The following CNTN6 variants were observed in gnomAD, a reference collection of about 807,000 sequenced individuals.
CNTN6 encodes the protein contactin-6.
CNTN6 carries 137 observed loss-of-function variants against 122.8 expected under a neutral mutation model. The observed-to-expected ratio is 1.12, with a 90% CI of 0.97 to 1.29. The LOEUF is 1.29. CNTN6 is among the 50% of genes most tolerant of loss of function. The pLI is 0.00. For synonymous variants in CNTN6, 570 were observed against 426.0 expected, an observed-to-expected ratio of 1.34 and a Z score of -4.16; for missense variants, 1,634 against 1,223.4, an observed-to-expected ratio of 1.34 and a Z score of -5.01.
chr3:1,373,877 T>C (rs1199295053), intron 15 of CNTN6, 47 bp from the exon 16 acceptor site: 9 of 1,533,218 alleles, frequency 5.9e-6, no homozygotes, highest in Non-Finnish European at 1.8e-6. Context: ...AATTATTTGT[T>C]TTTGAGTAGT....
At chr3:1,245,925 T>A (rs992520728) in intron 4 of CNTN6, among the ~76,000 whole-genome samples, 32 of 150,602 alleles carry the variant, frequency 2.1e-4, no homozygotes, top group Admixed American at 1.7e-3. Flanking sequence ...AAAAAAAAAA[T>A]TGCAAAAAAA....
intron 12 of CNTN6, 46 bp downstream of exon 12, chr3:1,352,497 C>G: frequency 6.2e-7 from 1 of 1,600,970 alleles, no homozygotes; most frequent in Non-Finnish European, 8.5e-7. Context: ...TGTAAATATG[C>G]AGGCATATTA....
At chr3:1,291,764 G>A (rs921462907) in intron 5 of CNTN6, among the ~76,000 whole-genome samples, 2 of 152,104 alleles carry the variant, frequency 1.3e-5, no homozygotes, top group Non-Finnish European at 2.9e-5. Context: ...TTAGAAGTGA[G>A]GCAGCAAAGG....
At chr3:1,159,555 C>T (rs977670779) in intron 2 of CNTN6, among the ~76,000 whole-genome samples, 22 of 151,590 alleles carry the variant, frequency 1.5e-4, no homozygotes, top group Non-Finnish European at 3.1e-4. Flanking sequence ...GTGGATAAGG[C>T]GGGACTATTA....
intron 1 of CNTN6, among the ~76,000 whole-genome samples, chr3:1,123,514 T>C (rs1459892162): frequency 6.6e-6 from 1 of 152,058 alleles, no homozygotes; most frequent in Non-Finnish European, 1.5e-5. Context: ...TAATTTAGTT[T>C]ATAAAACTAA....
intron 4 of CNTN6, among the ~76,000 whole-genome samples, chr3:1,233,591 C>T (rs1267631177): frequency 6.6e-6 from 1 of 151,354 alleles, no homozygotes; most frequent in African/African-American, 2.4e-5. Flanking sequence ...AAAAATTAGC[C>T]GGGTGTGGTG....
intron 1 of CNTN6, among the ~76,000 whole-genome samples, chr3:1,146,207 G>A (rs999836399): frequency 1.3e-5 from 2 of 151,988 alleles, no homozygotes; most frequent in Non-Finnish European, 2.9e-5. Flanking sequence ...TGAAAGTACA[G>A]CATTCATATG....
At chr3:1,378,092 G>A (rs1479836207) in intron 17 of CNTN6, among the ~76,000 whole-genome samples, 2 of 152,042 alleles carry the variant, frequency 1.3e-5, no homozygotes, top group Non-Finnish European at 2.9e-5. Context: ...TCTCTCTCTT[G>A]TAGGTGGTCT....
At chr3:1,122,709 C>G (rs2092005930) in intron 1 of CNTN6, among the ~76,000 whole-genome samples, 2 of 151,810 alleles carry the variant, frequency 1.3e-5, no homozygotes, top group African/African-American at 4.8e-5. Flanking sequence ...AATATATGAC[C>G]TTTGTGTCCA....
At chr3:1,112,223 C>T (rs1395109276) in intron 1 of CNTN6, among the ~76,000 whole-genome samples, 5 of 152,178 alleles carry the variant, frequency 3.3e-5, no homozygotes, top group Non-Finnish European at 5.9e-5. Context: ...GAAAGATAGA[C>T]ACTGTGTTAG....
chr3:1,226,128 C>A (rs530633919), intron 3 of CNTN6, among the ~76,000 whole-genome samples: 6 of 152,144 alleles, frequency 3.9e-5, no homozygotes, highest in Non-Finnish European at 8.8e-5. Context: ...ATCTGCCCAC[C>A]ACGGCCTCCC....
intron 11 of CNTN6, among the ~76,000 whole-genome samples, chr3:1,336,476 G>T (rs1238842591): frequency 2.0e-5 from 3 of 152,012 alleles, no homozygotes; most frequent in Non-Finnish European, 4.4e-5. Flanking sequence ...CTTAGCAATT[G>T]GTTTCAGAAA....
chr3:1,207,087 G>A (rs1315704247), intron 2 of CNTN6, among the ~76,000 whole-genome samples: 1 of 151,968 alleles, frequency 6.6e-6, no homozygotes, highest in Non-Finnish European at 1.5e-5. Flanking sequence ...TTCATCTATT[G>A]GATGCCACCT....
intron 4 of CNTN6, among the ~76,000 whole-genome samples, chr3:1,271,989 T>C (rs148568166): frequency 1.8e-4 from 27 of 152,108 alleles, no homozygotes; most frequent in Non-Finnish European, 3.2e-4. Flanking sequence ...TGGGAGGTAA[T>C]TGAATCATGG....
chr3:1,322,555 A>T (rs937960068), intron 8 of CNTN6, among the ~76,000 whole-genome samples: 1 of 151,748 alleles, frequency 6.6e-6, no homozygotes, highest in Non-Finnish European at 1.5e-5. Context: ...ATTTTTAAAA[A>T]GTATTGATAT....
chr3:1,384,464 T>C (rs1035599332), intron 19 of CNTN6, among the ~76,000 whole-genome samples: 1 of 142,206 alleles, frequency 7.0e-6, no homozygotes, highest in African/African-American at 3.1e-5. Flanking sequence ...AATCTGCTAT[T>C]TTTAGTCTAT....
chr3:1,235,856 T>C (rs2094414534), intron 4 of CNTN6, among the ~76,000 whole-genome samples: 1 of 150,940 alleles, frequency 6.6e-6, no homozygotes, highest in South Asian at 2.1e-4. Context: ...GACTCAGTGC[T>C]GCTGGGGGCG....
chr3:1,102,903 C>A (rs574933629), intron 1 of CNTN6, among the ~76,000 whole-genome samples: 19 of 150,836 alleles, frequency 1.3e-4, no homozygotes, highest in Admixed American at 7.3e-4. Flanking sequence ...ATCAGGAGAT[C>A]GAGACCATCC....
At chr3:1,363,323 C>T (rs1274885958) in intron 12 of CNTN6, among the ~76,000 whole-genome samples, 1 of 151,256 alleles carries the variant, frequency 6.6e-6, no homozygotes, top group East Asian at 1.9e-4. Flanking sequence ...TATATATATA[C>T]ACAGATAACT....
Sources: allele counts gnomAD v4.1 joint callset (sites outside exome capture counted in the v4.1 genomes callset), GRCh38; gene constraint gnomAD v4.1.1; transcripts MANE v1.5; gene names NCBI Gene and HGNC (gene_info 2026-07-23, HGNC 2026-07-21).